The following JAKMIP1 variants were observed in gnomAD, a reference collection of about 807,000 sequenced individuals.
JAKMIP1 encodes janus kinase and microtubule-interacting protein 1.
Under a neutral mutation model 113.0 loss-of-function variants are expected in JAKMIP1, and 33 were observed. The ratio of observed to expected loss-of-function variants is 0.29; its 90% confidence interval spans 0.22 to 0.39. The LOEUF is 0.39. Among genes scored for constraint, JAKMIP1 ranks in the 10% least tolerant of loss-of-function variants. The pLI, the probability that JAKMIP1 is intolerant of heterozygous loss-of-function variation, is 1.00. For missense variants in JAKMIP1, 813 were observed against 1,080.5 expected (o/e 0.75, Z 3.47); for synonymous variants, 480 against 459.9 (o/e 1.04, Z -0.56).
In JAKMIP1 at chr4:6,042,283, G is replaced by T; in HGVS notation, c.2029-56C>A. 1 of 1,405,798 alleles carries T rather than the reference G, an allele frequency of 7.1e-7. No individual in the cohort carries two copies. Among genetic ancestry groups the T allele is most frequent in the Non-Finnish European group, 1.0e-6 (1 of 992,672 alleles). 87.1% of individuals were successfully genotyped at this position (1,405,798 alleles called of 1,614,324 possible). On this transcript the variant is annotated intron_variant, in intron 16 of 20. Transcript: ENST00000409021. This position sits in a 1 kb window ranked among gnomAD's most constrained non-coding sequence, Gnocchi z 5.2. ...GCAAAGTGAGAGTCAGAACCCAAGG[G>T]GCTGTGGAATTTCACAGGTGTGTGA... is the stretch of plus-strand genomic sequence containing the variant.
chr4:6,118,999 G>A (rs1716286583), intron 1 of JAKMIP1, among the ~76,000 whole-genome samples: 1 of 152,194 alleles, frequency 6.6e-6, no homozygotes, highest in Non-Finnish European at 1.5e-5. Flanking sequence ...CAGAGGAGAA[G>A]CCCAAGCGAA....
At chr4:6,133,687 G>A (rs1433644712) in intron 1 of JAKMIP1, among the ~76,000 whole-genome samples, 1 of 152,322 alleles carries the variant, frequency 6.6e-6, no homozygotes, top group East Asian at 1.9e-4. Flanking sequence ...CAACAACAAT[G>A]TGTCCTCCTG....
intron 2 of JAKMIP1, among the ~76,000 whole-genome samples, chr4:6,109,332 A>T (rs1336858425): frequency 1.3e-5 from 2 of 151,580 alleles, no homozygotes; most frequent in African/African-American, 4.8e-5. Context: ...ACAGAGTTTC[A>T]CTGTGTTAGC....
Position 6,042,809 on chromosome 4 carries a change from G to A in JAKMIP1, c.2029-582C>T, listed in dbSNP as rs1714503109. ...GCCTGGTGCCACCATGAGAGGAGGTGGAATCACACACAGGGTAGGGGGTGT... is the reference window on the plus strand; with the variant it reads ...GCCTGGTGCCACCATGAGAGGAGGTAGAATCACACACAGGGTAGGGGGTGT... On this transcript the variant is annotated intron_variant, in intron 16 of 20. Coordinates refer to ENST00000409021, the MANE Select transcript of JAKMIP1 (RefSeq NM_001099433.2). This position sits in a 1 kb window ranked among gnomAD's most constrained non-coding sequence, Gnocchi z 5.2. 6.6e-6 allele frequency among the ~76,000 whole-genome samples: 1 copy of A among 152,064 alleles called. No homozygotes were observed. The highest frequency in any genetic ancestry group is 6.5e-5 in the Admixed American group (1 of 15,270).
Position 6,194,989 on chromosome 4 carries a change from T to C in JAKMIP1, c.-148+5264A>G, listed in dbSNP as rs1578527920. Among the ~76,000 whole-genome samples the C allele has an allele frequency of 6.6e-6, 1 of 152,210 alleles. No homozygotes were observed. Among genetic ancestry groups the C allele is most frequent in the Non-Finnish European group, 1.5e-5 (1 of 68,042 alleles). On this transcript the variant is annotated intron_variant, in intron 1 of 20. Coordinates refer to ENST00000409021, the MANE Select transcript of JAKMIP1 (RefSeq NM_001099433.2). The surrounding 1 kb of genome is among the most constrained non-coding windows in gnomAD (Gnocchi z 7.4). ...AAGGGACCCGCCACTGCAGCTGCTG[T>C]CCACGGCGTGATCCTAGACTAGGCC...
intron 18 of JAKMIP1, among the ~76,000 whole-genome samples, chr4:6,036,962 C>CTGAGG (rs1713548767): frequency 7.6e-6 from 1 of 131,314 alleles, no homozygotes; most frequent in Admixed American, 7.2e-5. Flanking sequence ...CCCTCCATCA[C>CTGAGG]CGAGGCAGAG....
chr4:6,107,946 C>T (rs1160591925), intron 2 of JAKMIP1, among the ~76,000 whole-genome samples: 2 of 152,104 alleles, frequency 1.3e-5, no homozygotes, highest in Non-Finnish European at 2.9e-5. Flanking sequence ...TATCGTGGTT[C>T]TGACTTTCTG....
chr4:6,043,103 G>T (rs2108758198), intron 16 of JAKMIP1, among the ~76,000 whole-genome samples: 1 of 152,140 alleles, frequency 6.6e-6, no homozygotes. Flanking sequence ...AGGGCACCTA[G>T]GGGTGTCCGG....
chr4:6,119,566 ACAAC>A (rs1716391853), intron 1 of JAKMIP1, among the ~76,000 whole-genome samples: 1 of 119,712 alleles, frequency 8.4e-6, no homozygotes, highest in Non-Finnish European at 1.8e-5. Flanking sequence ...AACAACAACA[ACAAC>A]AAAAAAAAAC....
At position 6,049,381 on chromosome 4, in the gene JAKMIP1, G is replaced by T. The variant is rs1715382835; in HGVS notation, c.1962+438C>A. 6.6e-6 allele frequency among the ~76,000 whole-genome samples: 1 copy of T among 152,196 alleles called. No homozygotes were observed. Among genetic ancestry groups the T allele is most frequent in the Admixed American group, 6.5e-5 (1 of 15,284 alleles). ...GCTTCTCTCTGAGCTGCACCCGAGG[G>T]TCAGCTCCCTCTCGCTAATGGGGCC... On this transcript the variant is annotated intron_variant, in intron 15 of 20. Coordinates refer to ENST00000409021, the MANE Select transcript of JAKMIP1 (RefSeq NM_001099433.2). The surrounding 1 kb of genome is among the most constrained non-coding windows in gnomAD (Gnocchi z 7.0).
In JAKMIP1 at chr4:6,108,923, C is replaced by T. The variant is rs1205276794; in HGVS notation, c.130-2956G>A. Among the ~76,000 whole-genome samples, 1 of 152,174 alleles carries T rather than the reference C, an allele frequency of 6.6e-6. No individual in the cohort carries two copies. Among genetic ancestry groups the T allele is most frequent in the Non-Finnish European group, 1.5e-5 (1 of 68,036 alleles). On this transcript the variant is annotated intron_variant, in intron 2 of 20. Coordinates refer to ENST00000409021, the MANE Select transcript of JAKMIP1 (RefSeq NM_001099433.2). This position sits in a 1 kb window ranked among gnomAD's most constrained non-coding sequence, Gnocchi z 5.6. Reference sequence around the variant, plus strand: ...ATATTTACAGGTATGCGTACATACGCAGGTCAGTATACACATATATATTCC... The same window carrying T: ...ATATTTACAGGTATGCGTACATACGTAGGTCAGTATACACATATATATTCC...
Position 6,106,597 on chromosome 4 carries a change from G to A in JAKMIP1, c.130-630C>T, listed in dbSNP as rs140071226. Among the ~76,000 whole-genome samples the A allele has an allele frequency of 2.6e-5, 4 of 152,138 alleles. No homozygotes were observed. The East Asian group carries it at 7.7e-4, about 29-fold the overall frequency. ...TCTGTTTTATCATGAGGCAGCCAAA[G>A]ATCAGAGACAGTCTGGTGAGCTGCC... On this transcript the variant is annotated intron_variant, in intron 2 of 20. Transcript: ENST00000409021. This position sits in a 1 kb window ranked among gnomAD's most constrained non-coding sequence, Gnocchi z 5.9.
chr4:6,098,588 A>G (rs1279654046), intron 3 of JAKMIP1, among the ~76,000 whole-genome samples: 5 of 144,250 alleles, frequency 3.5e-5, no homozygotes, highest in Admixed American at 6.9e-5. Context: ...GAAAGAAGGA[A>G]AGGAAGAAAG....
chr4:6,072,215 T>C (rs1294616776), intron 8 of JAKMIP1, among the ~76,000 whole-genome samples: 2 of 152,160 alleles, frequency 1.3e-5, no homozygotes, highest in Non-Finnish European at 2.9e-5. Flanking sequence ...ACACACCCCC[T>C]CTTTCCCCTC....
chr4:6,110,405 T>C (rs1320083409), intron 2 of JAKMIP1, among the ~76,000 whole-genome samples: 1 of 151,224 alleles, frequency 6.6e-6, no homozygotes, highest in Non-Finnish European at 1.5e-5. Context: ...ACAGCAATCG[T>C]CTGTTGCGTA....
chr4:6,177,705 A>G lies in JAKMIP1; in HGVS notation c.-148+22548T>C, dbSNP rs566038302. On this transcript the variant is annotated intron_variant, in intron 1 of 20. Coordinates refer to ENST00000409021, the MANE Select transcript of JAKMIP1 (RefSeq NM_001099433.2). ...CCACAGACGGAGGCAGATCATAGCC[A>G]TACTAATAATGGCTGCATCCCCCAA... is the stretch of plus-strand genomic sequence containing the variant. Among the ~76,000 whole-genome samples, 6 of 152,264 alleles carry G rather than the reference A, an allele frequency of 3.9e-5. 1 individual carries two copies. Among genetic ancestry groups the G allele is most frequent in the Non-Finnish European group, 7.4e-5 (5 of 68,022 alleles).
intron 3 of JAKMIP1, among the ~76,000 whole-genome samples, chr4:6,087,746 T>C (rs1721502334): frequency 6.6e-6 from 1 of 152,156 alleles, no homozygotes; most frequent in South Asian, 2.1e-4. Context: ...AGGTACTAAT[T>C]TGTACTTAAG....
intron 1 of JAKMIP1, among the ~76,000 whole-genome samples, chr4:6,126,469 C>T (rs577932727): frequency 4.6e-5 from 7 of 150,882 alleles, no homozygotes; most frequent in African/African-American, 1.2e-4. Flanking sequence ...CATGCACATA[C>T]ACACACCATG....
At chr4:6,085,274 GAACTTAT>G in intron 4 of JAKMIP1, 139 bp downstream of exon 4, 1 of 801,312 alleles carries the variant, frequency 1.2e-6, no homozygotes, top group Non-Finnish European at 1.9e-6. Flanking sequence ...CCAGCACAAA[GAACTTAT>G]AACATCCCCT....
Sources: allele counts gnomAD v4.1 joint callset (sites outside exome capture counted in the v4.1 genomes callset), GRCh38; gene constraint gnomAD v4.1.1; non-coding constraint Gnocchi (gnomAD v3.1); transcripts MANE v1.5; gene names NCBI Gene and HGNC (gene_info 2026-07-23, HGNC 2026-07-21).